The following HOXB9 variants were observed in gnomAD, a reference collection of about 807,000 sequenced individuals.
HOXB9 encodes homeobox protein Hox-B9.
Under a neutral mutation model 21.5 loss-of-function variants are expected in HOXB9, and 10 were observed. That is an observed-to-expected ratio of 0.47 (90% CI 0.29 to 0.79). The LOEUF (loss-of-function observed/expected upper bound fraction) is 0.79, where lower values mean the gene tolerates loss of function less well. Ranked by LOEUF, HOXB9 falls within the 30% of genes least tolerant of loss-of-function variation. HOXB9 has a pLI of 0.10. For synonymous variants in HOXB9, 156 were observed against 151.2 expected (o/e 1.03, Z -0.23); for missense variants, 375 against 338.7 (o/e 1.11, Z -0.84).
Position 48,621,451 on chromosome 17 carries a change from G to C in HOXB9, c.*1449C>G, listed in dbSNP as rs1013860381. 2.6e-5 allele frequency: 4 copies of C among 152,484 alleles called. No homozygotes were observed. The highest frequency in any genetic ancestry group is 2.0e-4 in the Admixed American group (3 of 15,292). 9.4% of individuals were successfully genotyped at this position (152,484 alleles called of 1,614,324 possible). ...GGGACTGAGAAGTAGGGGAGCAGGGGGAGGAACGGAAGCAGAGAGTAAGCT... is the reference window on the plus strand; with the variant it reads ...GGGACTGAGAAGTAGGGGAGCAGGGCGAGGAACGGAAGCAGAGAGTAAGCT... On this transcript the variant is annotated 3_prime_UTR_variant, in exon 2 of 2. Coordinates refer to ENST00000311177, the MANE Select transcript of HOXB9 (RefSeq NM_024017.5).
rs2070781423 is a variant in HOXB9 at position 48,622,829 on chromosome 17, C to T, written c.*71G>A. On this transcript the variant is annotated 3_prime_UTR_variant, in exon 2 of 2. Transcript: ENST00000311177. Reference sequence around the variant, plus strand: ...TTGAATACATCCCAGACAGCACTGGCTTTGCAGTCGTCACATAACTAAGAG... The same window carrying T: ...TTGAATACATCCCAGACAGCACTGGTTTTGCAGTCGTCACATAACTAAGAG... The T allele has an allele frequency of 1.7e-6, 2 of 1,157,350 alleles. No individual in the cohort carries two copies. Among genetic ancestry groups the T allele is most frequent in the Non-Finnish European group, 2.6e-6 (2 of 784,112 alleles). 71.7% of individuals were successfully genotyped at this position (1,157,350 alleles called of 1,614,324 possible).
In HOXB9 at chr17:48,622,773, A is replaced by T; in HGVS notation, c.*127T>A. 1 of 673,910 alleles carries T rather than the reference A, an allele frequency of 1.5e-6. No homozygotes were observed. Among genetic ancestry groups the T allele is most frequent in the Non-Finnish European group, 2.6e-6 (1 of 391,594 alleles). The allele number at this position is 673,910 out of a possible 1,614,324, so 41.7% of individuals were successfully genotyped here. On this transcript the variant is annotated 3_prime_UTR_variant, in exon 2 of 2. Transcript: ENST00000311177. ...GGGAGGTTCTAGGTGCAGATAAAGG[A>T]CTTGGAAGAGAGACTCCCTTCCCCA...
In HOXB9 at chr17:48,622,788, T is replaced by C; in HGVS notation, c.*112A>G. 1 of 746,442 alleles carries C rather than the reference T, an allele frequency of 1.3e-6. No homozygotes were observed. Among genetic ancestry groups the C allele is most frequent in the African/African-American group, 1.7e-5 (1 of 57,430 alleles). The allele number at this position is 746,442 out of a possible 1,614,324, so 46.2% of individuals were successfully genotyped here. ...CAGATAAAGGACTTGGAAGAGAGAC[T>C]CCCTTCCCCATTCACTTGAATACAT... On this transcript the variant is annotated 3_prime_UTR_variant, in exon 2 of 2. Transcript: ENST00000311177.
chr17:48,625,731 T>A, intron 1 of HOXB9, 22 bp downstream of exon 1: 1 of 1,505,580 alleles, frequency 6.6e-7, no homozygotes, highest in Non-Finnish European at 8.9e-7. Context: ...GCCTGGGTAT[T>A]TCCTCACTTT....
intron 1 of HOXB9, 74 bp downstream of exon 1, chr17:48,625,679 A>C: frequency 2.9e-6 from 4 of 1,391,826 alleles, no homozygotes; most frequent in Non-Finnish European, 2.8e-6. Flanking sequence ...CATTGTCCGC[A>C]GTTTATTGCC....
In HOXB9 at chr17:48,626,353, C is replaced by T. The variant is rs577033527; in HGVS notation, c.-84G>A. On this transcript the variant is annotated 5_prime_UTR_variant, in exon 1 of 2. Transcript: ENST00000311177. ...AAGCAGGGAGAGGTGGCACCCGGAC[C>T]GGTGTGAGGGCTTTCGGACGCGACC... 75 of 1,424,350 alleles carry T rather than the reference C, an allele frequency of 5.3e-5. 1 individual carries two copies. In the Middle Eastern group the frequency reaches 1.0e-3, roughly 20 times the overall value. The allele number at this position is 1,424,350 out of a possible 1,614,324, so 88.2% of individuals were successfully genotyped here. A position where few individuals can be genotyped will look rare whatever the true frequency, so the allele number is the denominator to read the frequency against.
chr17:48,625,697 T>C, intron 1 of HOXB9, 56 bp downstream of exon 1: 4 of 1,424,394 alleles, frequency 2.8e-6, no homozygotes, highest in Non-Finnish European at 3.7e-6. Flanking sequence ...GCCTTTCCCC[T>C]CCCCGCCCCC....
rs1221554777 is a variant in HOXB9 at position 48,622,315 on chromosome 17, C to G, written c.*585G>C. On this transcript the variant is annotated 3_prime_UTR_variant, in exon 2 of 2. Coordinates refer to ENST00000311177, the MANE Select transcript of HOXB9 (RefSeq NM_024017.5). ...AGCCTTTGGGCTGCAACACCTCACT[C>G]AGGAGTCTGCCTCTAGACATCTCCC... 6.5e-6 allele frequency: 1 copy of G among 153,018 alleles called. No individual in the cohort carries two copies. Among genetic ancestry groups the G allele is most frequent in the Non-Finnish European group, 1.5e-5 (1 of 68,342 alleles). The allele number at this position is 153,018 out of a possible 1,614,324, so 9.5% of individuals were successfully genotyped here. A position where few individuals can be genotyped will look rare whatever the true frequency, so the allele number is the denominator to read the frequency against.
chr17:48,625,943 C>T lies in HOXB9; in HGVS notation c.327G>A (p.Pro109=), dbSNP rs775729142. 3.3e-6 allele frequency: 5 copies of T among 1,515,918 alleles called. No individual in the cohort carries two copies. In the South Asian group the frequency reaches 5.1e-5, roughly 15 times the overall value. The allele number at this position is 1,515,918 out of a possible 1,614,324, so 93.9% of individuals were successfully genotyped here. ...LEPAPRGEAA[P]GQGQAAVKAE... ...CCTTCACCGCCGCCTGGCCCTGCCC[C>T]GGGGCCGCTTCGCCGCGCGGCGCCG... The change falls in exon 1 of 2, where the codon CCG becomes CCA. Residue 109 remains proline, a synonymous_variant. Coordinates refer to ENST00000311177, the MANE Select transcript of HOXB9 (RefSeq NM_024017.5).
At position 48,621,379 on chromosome 17, in the gene HOXB9, C is replaced by T. The variant is rs2070768890; in HGVS notation, c.*1521G>A. 6.6e-6 allele frequency: 1 copy of T among 152,404 alleles called. No individual in the cohort carries two copies. The highest frequency in any genetic ancestry group is 2.1e-4 in the South Asian group (1 of 4,808). 9.4% of individuals were successfully genotyped at this position (152,404 alleles called of 1,614,324 possible). A position where few individuals can be genotyped will look rare whatever the true frequency, so the allele number is the denominator to read the frequency against. ...AGCAAAAAACTTCTACTGGAATGTC[C>T]CCTTGCAGGATCAGGAGAAGCAGGA... On this transcript the variant is annotated 3_prime_UTR_variant, in exon 2 of 2. Transcript: ENST00000311177.
Position 48,622,925 on chromosome 17 carries a change from A to G in HOXB9, c.728T>C (p.Met243Thr). 1 of 1,613,844 alleles carries G rather than the reference A, an allele frequency of 6.2e-7. No individual in the cohort carries two copies. Among genetic ancestry groups the G allele is most frequent in the South Asian group, 1.1e-5 (1 of 91,064 alleles). The change falls in exon 2 of 2, where the codon ATG (methionine) becomes ACG (threonine). Residue 243 changes from methionine (M) to threonine (T), a missense_variant. Physicochemically the swap from Met to Thr is moderately conservative, Grantham distance 81. Coordinates refer to ENST00000311177, the MANE Select transcript of HOXB9 (RefSeq NM_024017.5). ...TTACTCTTTGCCCTGCTCCTTATTCATTTTCTTCATTTTCATCCGCCGGTT... is the reference window on the plus strand; with the variant it reads ...TTACTCTTTGCCCTGCTCCTTATTCGTTTTCTTCATTTTCATCCGCCGGTT... Reference protein sequence around the residue: ...FQNRRMKMKKMNKEQGKE With the variant: ...FQNRRMKMKKTNKEQGKE
chr17:48,626,171 G>A lies in HOXB9; in HGVS notation c.99C>T (p.Tyr33=), dbSNP rs1186698670. The change falls in exon 1 of 2, where the codon TAC becomes TAT. Residue 33 remains tyrosine (Y), a synonymous_variant. Transcript: ENST00000311177. ...APPAKFPSGQ[Y]ASSRQPGHAE... ...CGTGGCCCGGCTGCCGCGAGCTCGCGTACTGGCCAGAAGGAAACTTGGCTG... is the reference window on the plus strand; with the variant it reads ...CGTGGCCCGGCTGCCGCGAGCTCGCATACTGGCCAGAAGGAAACTTGGCTG... 15 of 1,598,662 alleles carry A rather than the reference G, an allele frequency of 9.4e-6. 1 individual carries two copies. Among genetic ancestry groups the A allele is most frequent in the Middle Eastern group, 1.7e-4 (1 of 6,050 alleles).
Position 48,622,909 on chromosome 17 carries a change from GC to G in HOXB9, c.743del (p.Gly248AlafsTer6). The G allele has an allele frequency of 6.2e-7, 1 of 1,611,902 alleles. No homozygotes were observed. Among genetic ancestry groups the G allele is most frequent in the Non-Finnish European group, 8.5e-7 (1 of 1,178,036 alleles). ...GGGTAATCTTTAATCTTTACTCTTT[GC>G]CCTGCTCCTTATTCATTTTCTTCAT... ...MKMKKMNKEQ[G>X]KE is the part of the protein sequence containing the mutation. On this transcript the variant is annotated frameshift_variant, in exon 2 of 2. Transcript: ENST00000311177. LOFTEE classifies it high-confidence loss of function.
Position 48,622,534 on chromosome 17 carries a change from TTGGG to T in HOXB9, c.*362_*365del. 3 of 217,458 alleles carry T rather than the reference TTGGG, an allele frequency of 1.4e-5. No individual in the cohort carries two copies. Among genetic ancestry groups the T allele is most frequent in the Non-Finnish European group, 9.2e-6 (1 of 108,968 alleles). 13.5% of individuals were successfully genotyped at this position (217,458 alleles called of 1,614,324 possible). ...GAGTTGGAGTGTCCCTGGGTGACTT[TTGGG>T]TGGGTGTAGAGAAGAAACAGGCAAG... On this transcript the variant is annotated 3_prime_UTR_variant, in exon 2 of 2. Transcript: ENST00000311177.
rs1370305168 is a variant in HOXB9 at position 48,621,217 on chromosome 17, A to G, written c.*1683T>C. On this transcript the variant is annotated 3_prime_UTR_variant, in exon 2 of 2. Coordinates refer to ENST00000311177, the MANE Select transcript of HOXB9 (RefSeq NM_024017.5). ...TTCTTTTTTTCTTCCAAAACAAACA[A>G]TTAGAGCTCTAGGCCCCTCGCCCTC... 2 of 152,576 alleles carry G rather than the reference A, an allele frequency of 1.3e-5. No individual in the cohort carries two copies. The highest frequency in any genetic ancestry group is 2.4e-5 in the African/African-American group (1 of 41,400). The allele number at this position is 152,576 out of a possible 1,614,324, so 9.5% of individuals were successfully genotyped here.
intron 1 of HOXB9, 48 bp from the exon 2 acceptor site, chr17:48,623,183 G>T: frequency 6.7e-7 from 1 of 1,484,218 alleles, no homozygotes; most frequent in Non-Finnish European, 9.3e-7. Flanking sequence ...GGGGTGAAGG[G>T]CCCCAGATCA....
chr17:48,625,066 A>C (rs1375426779), intron 1 of HOXB9, among the ~76,000 whole-genome samples: 1 of 152,192 alleles, frequency 6.6e-6, no homozygotes, highest in Non-Finnish European at 1.5e-5. Flanking sequence ...GACGCCGAGG[A>C]GGAGAGGGGC....
At position 48,623,106 on chromosome 17, in the gene HOXB9, G is replaced by C; in HGVS notation, c.547C>G (p.Arg183Gly). 6.2e-7 allele frequency: 1 copy of C among 1,613,810 alleles called. No individual in the cohort carries two copies. The highest frequency in any genetic ancestry group is 2.2e-5 in the East Asian group (1 of 44,880). ...GGACAGCGCTTTTTCCGGGAAGAGC[G>C]AGCGTGCAGCCAGTTGGCGGAGGGG... ...TNPSANWLHA[R>G]SSRKKRCPYT... Residue 183 changes from arginine (R) to glycine (G), a missense_variant, in exon 2 of 2, where the codon CGC (arginine) becomes GGC (glycine). By Grantham distance (125) the Arg-to-Gly change is moderately radical. Transcript: ENST00000311177.
Position 48,622,154 on chromosome 17 carries a change from G to C in HOXB9, c.*746C>G, listed in dbSNP as rs7405887. On this transcript the variant is annotated 3_prime_UTR_variant, in exon 2 of 2. Coordinates refer to ENST00000311177, the MANE Select transcript of HOXB9 (RefSeq NM_024017.5). The stretch of plus-strand genomic sequence containing the variant: ...GTGGGGAGTAGCTCCACCTAAGATA[G>C]CTTCATAAAACCACGTGCTGCCTTT... 0.89 allele frequency: 135,189 copies of C among 152,482 alleles called. 60,191 individuals carry two copies. Among genetic ancestry groups the C allele is most frequent in the Middle Eastern group, 0.94 (277 of 294 alleles). 9.4% of individuals were successfully genotyped at this position (152,482 alleles called of 1,614,324 possible). A position where few individuals can be genotyped will look rare whatever the true frequency, so the allele number is the denominator to read the frequency against.
Sources: allele counts gnomAD v4.1 joint callset (sites outside exome capture counted in the v4.1 genomes callset), GRCh38; gene constraint gnomAD v4.1.1; transcripts MANE v1.5; gene names NCBI Gene and HGNC (gene_info 2026-07-23, HGNC 2026-07-21).